The following ARPC1B variants were observed in gnomAD, a reference collection of about 807,000 sequenced individuals.
ARPC1B encodes the protein actin related protein 2/3 complex subunit 1B.
ARPC1B carries 29 observed loss-of-function variants against 46.0 expected under a neutral mutation model. The ratio of observed to expected loss-of-function variants is 0.63; its 90% CI spans 0.47 to 0.86. The LOEUF is 0.86. Among genes scored for constraint, ARPC1B ranks in the 40% least tolerant of loss-of-function variants. ARPC1B has a pLI of 0.00. For synonymous variants in ARPC1B, 201 were observed against 213.9 expected, an observed-to-expected ratio of 0.94 and a Z score of 0.53; for missense variants, 469 against 529.4, an observed-to-expected ratio of 0.89 and a Z score of 1.12.
At chr7:99,381,507 G>A (rs779145193) in intron 1 of ARPC1B, among the ~76,000 whole-genome samples, 3 of 152,200 alleles carry the variant, frequency 2.0e-5, no homozygotes, top group Non-Finnish European at 4.4e-5. Context: ...CCTGCGCTGC[G>A]TGTGTCTACT....
At chr7:99,387,985 G>A in intron 3 of ARPC1B, 54 bp from the exon 4 acceptor site, 1 of 1,250,388 alleles carries the variant, frequency 8.0e-7, no homozygotes, top group Non-Finnish European at 1.2e-6. Flanking sequence ...CCACCATACA[G>A]CCACCTCTGC....
At chr7:99,385,029 G>A (rs562593614) in intron 1 of ARPC1B, among the ~76,000 whole-genome samples, 10 of 139,874 alleles carry the variant, frequency 7.1e-5, no homozygotes, top group South Asian at 2.3e-4. Context: ...GCAGTGGTGC[G>A]ATCTCGGCTT....
intron 7 of ARPC1B, among the ~76,000 whole-genome samples, chr7:99,391,642 T>C (rs1325775822): frequency 6.6e-6 from 1 of 151,590 alleles, no homozygotes; most frequent in Non-Finnish European, 1.5e-5. Flanking sequence ...TAATCCCAGT[T>C]ACTTGGGAGG....
intron 1 of ARPC1B, among the ~76,000 whole-genome samples, chr7:99,381,697 G>C (rs1243493605): frequency 6.6e-6 from 1 of 152,224 alleles, no homozygotes; most frequent in African/African-American, 2.4e-5. Flanking sequence ...GAGTGAGCAG[G>C]AGGTGGACAG....
Position 99,382,842 on chromosome 7 carries a change from CTTT to C in ARPC1B, c.-13-2842_-13-2840del, listed in dbSNP as rs756346040. On this transcript the variant is annotated intron_variant, in intron 1 of 9. Transcript: ENST00000646101. Reference sequence around the variant, plus strand: ...TTTTTCACACACATTCATTCCTAACCTTTTTTTTTTTTTTTTTTTTGAGACAGA... The same window carrying C: ...TTTTTCACACACATTCATTCCTAACCTTTTTTTTTTTTTTTTTGAGACAGA... Among the ~76,000 whole-genome samples the C allele has an allele frequency of 4.1e-3, 485 of 119,218 alleles. 3 individuals carry two copies. Among genetic ancestry groups the C allele is most frequent in the African/African-American group, 0.016 (447 of 27,454 alleles). 78.2% of individuals were successfully genotyped at this position (119,218 alleles called of 152,430 possible).
chr7:99,378,452 G>A (rs1408985043), intron 1 of ARPC1B, among the ~76,000 whole-genome samples: 2 of 151,646 alleles, frequency 1.3e-5, no homozygotes, highest in African/African-American at 2.4e-5. Flanking sequence ...AGGCCGAGGC[G>A]GGTGGATCAC....
At chr7:99,383,334 C>T (rs1164096152) in intron 1 of ARPC1B, among the ~76,000 whole-genome samples, 9 of 151,786 alleles carry the variant, frequency 5.9e-5, no homozygotes, top group East Asian at 3.9e-4. Context: ...CTCAAATATA[C>T]ACACACACAC....
rs763880114 is a variant in ARPC1B at position 99,389,937 on chromosome 7, G to A, written c.425G>A (p.Arg142His). ...TGCAAGCACATCAAGAAGCCCATCC[G>A]CTCCACCGTCCTCAGCCTGGACTGG... ...WVCKHIKKPIRSTVLSLDWHP... is the reference protein window; with the variant it reads ...WVCKHIKKPIHSTVLSLDWHP... Residue 142 changes from arginine (R) to histidine (H), a missense_variant, in exon 5 of 10, where the codon CGC becomes CAC. Arg to His is a conservative substitution (Grantham distance 29). Coordinates refer to ENST00000646101, the MANE Select transcript of ARPC1B (RefSeq NM_005720.4). 2.2e-5 allele frequency: 36 copies of A among 1,614,002 alleles called. No homozygotes were observed. In the South Asian group the frequency reaches 2.6e-4, roughly 12 times the overall value.
chr7:99,387,204 G>A (rs1346377331), intron 3 of ARPC1B, among the ~76,000 whole-genome samples: 3 of 152,200 alleles, frequency 2.0e-5, no homozygotes, highest in Non-Finnish European at 4.4e-5. Context: ...CACTTCAGGA[G>A]GCCAAGGCGA....
intron 1 of ARPC1B, among the ~76,000 whole-genome samples, chr7:99,382,457 T>C (rs992741253): frequency 4.7e-5 from 7 of 148,626 alleles, no homozygotes; most frequent in Non-Finnish European, 8.9e-5. Flanking sequence ...GGAGGGAGTA[T>C]CCAGAAAGTG....
intron 4 of ARPC1B, chr7:99,389,581 G>T (rs1794503728): frequency 3.6e-6 from 1 of 279,908 alleles, no homozygotes; most frequent in Non-Finnish European, 6.9e-6. Flanking sequence ...AGGAGCATCT[G>T]AGAGACCCAA....
chr7:99,385,779 G>A lies in ARPC1B; in HGVS notation c.64+1G>A, dbSNP rs111297226. ...CACGCCTGGAACAAGGACCGCACCC[G>A]TGAGTGCTTGCTGGGGGCCGGTGGG... is the stretch of plus-strand genomic sequence containing the variant. On this transcript the variant is annotated splice_donor_variant, in intron 2 of 9. Transcript: ENST00000646101. LOFTEE classifies it high-confidence loss of function. The A allele has an allele frequency of 5.0e-6, 8 of 1,607,742 alleles. No homozygotes were observed. Among genetic ancestry groups the A allele is most frequent in the African/African-American group, 4.0e-5 (3 of 74,904 alleles).
At chr7:99,375,348 C>T (rs1794004705) in intron 1 of ARPC1B, among the ~76,000 whole-genome samples, 1 of 152,196 alleles carries the variant, frequency 6.6e-6, no homozygotes, top group Non-Finnish European at 1.5e-5. Flanking sequence ...CTGGCCGCTC[C>T]CGCTGCTCCC....
chr7:99,391,264 G>A lies in ARPC1B; in HGVS notation c.783+11G>A, dbSNP rs1052158523. On this transcript the variant is annotated intron_variant, in intron 7 of 9. Transcript: ENST00000646101. ...AGCCTGGTGGCAGCGGTGAGGAATAGGGAGGGGAGGGAGGGTGTGTGGTCA... is the reference window on the plus strand; with the variant it reads ...AGCCTGGTGGCAGCGGTGAGGAATAAGGAGGGGAGGGAGGGTGTGTGGTCA... 1 of 1,612,554 alleles carries A rather than the reference G, an allele frequency of 6.2e-7. No individual in the cohort carries two copies. Among genetic ancestry groups the A allele is most frequent in the Admixed American group, 1.7e-5 (1 of 59,920 alleles).
At chr7:99,387,387 T>G (rs191407811) in intron 3 of ARPC1B, among the ~76,000 whole-genome samples, 98 of 151,132 alleles carry the variant, frequency 6.5e-4, no homozygotes, top group Middle Eastern at 3.5e-3. Flanking sequence ...TGAGCTGAGA[T>G]TGCACCACTG....
In ARPC1B at chr7:99,386,699, C is replaced by G; in HGVS notation, c.79C>G (p.Pro27Ala). The stretch of plus-strand genomic sequence containing the variant: ...CTCCCCTTCAGAGATTGCCATCTGC[C>G]CCAACAACCATGAGGTGCATATCTA... ...NKDRTQIAIC[P>A]NNHEVHIYEK... The change falls in exon 3 of 10, where the codon CCC becomes GCC. Residue 27 changes from proline (P) to alanine (A), a missense_variant. Pro to Ala is a conservative substitution (Grantham distance 27). Transcript: ENST00000646101. The G allele has an allele frequency of 6.2e-7, 1 of 1,613,922 alleles. No individual in the cohort carries two copies. The highest frequency in any genetic ancestry group is 8.5e-7 in the Non-Finnish European group (1 of 1,179,892).
At chr7:99,376,784 C>T (rs1168015720) in intron 1 of ARPC1B, among the ~76,000 whole-genome samples, 4 of 151,254 alleles carry the variant, frequency 2.6e-5, no homozygotes, top group Admixed American at 6.6e-5. Context: ...GCAGGAGAAT[C>T]GCTAGAACCT....
chr7:99,387,353 G>C (rs1424137402), intron 3 of ARPC1B, among the ~76,000 whole-genome samples: 1 of 152,198 alleles, frequency 6.6e-6, no homozygotes, highest in Non-Finnish European at 1.5e-5. Flanking sequence ...AGAATCGCTT[G>C]AACCCAGGAG....
At chr7:99,379,971 C>G (rs1794161994) in intron 1 of ARPC1B, among the ~76,000 whole-genome samples, 1 of 152,140 alleles carries the variant, frequency 6.6e-6, no homozygotes, top group African/African-American at 2.4e-5. Context: ...GGTTTCTTAA[C>G]ATCAAACAGG....
Sources: gnomAD v4.1 joint callset for allele counts (sites outside exome capture counted in the v4.1 genomes callset) on GRCh38, gnomAD v4.1.1 for gene constraint, MANE v1.5 for transcripts, NCBI Gene and HGNC (gene_info 2026-07-23, HGNC 2026-07-21) for gene names.